LRRTM4: variants seen among roughly 807,000 people sequenced by gnomAD.
The protein encoded by LRRTM4 is leucine-rich repeat transmembrane neuronal protein 4.
A neutral mutation model predicts 47.6 loss-of-function variants in LRRTM4; 25 were observed. The ratio of observed to expected loss-of-function variants is 0.53; its 90% CI spans 0.38 to 0.73. LRRTM4 has a LOEUF of 0.73. Ranked by LOEUF, LRRTM4 falls within the 30% of genes least tolerant of loss-of-function variation. The pLI, the probability that LRRTM4 is intolerant of heterozygous loss-of-function variation, is 0.00. For synonymous variants in LRRTM4, 311 were observed against 269.5 expected, an observed-to-expected ratio of 1.15 and a Z score of -1.51; for missense variants, 638 against 713.4, an observed-to-expected ratio of 0.89 and a Z score of 1.20.
chr2:77,157,793 G>T (rs1462217631), intron 3 of LRRTM4, among the ~76,000 whole-genome samples: 2 of 152,074 alleles, frequency 1.3e-5, no homozygotes, highest in African/African-American at 4.8e-5. Flanking sequence ...GTGTGATCAG[G>T]ACTCTAGATG....
intron 3 of LRRTM4, among the ~76,000 whole-genome samples, chr2:77,113,295 G>A (rs1403683198): frequency 6.6e-6 from 1 of 152,068 alleles, no homozygotes; most frequent in African/African-American, 2.4e-5. Flanking sequence ...CCAGTCTAAA[G>A]GAAGCAAAAT....
intron 3 of LRRTM4, among the ~76,000 whole-genome samples, chr2:76,974,189 TATATATACATATATATATATAC>T (rs1676326269): frequency 7.1e-4 from 84 of 118,050 alleles, no homozygotes; most frequent in African/African-American, 3.1e-3. Context: ...TATACATACA[TATATATACATATATATATATAC>T]ACATATATAT....
chr2:77,244,471 T>C (rs57333363), intron 3 of LRRTM4, among the ~76,000 whole-genome samples: 20,168 of 152,106 alleles, frequency 0.13, 1,730 homozygotes, highest in East Asian at 0.34. Flanking sequence ...TATACCTAGA[T>C]TAAAAAATAA....
chr2:77,435,648 G>T (rs1675562177), intron 3 of LRRTM4, among the ~76,000 whole-genome samples: 2 of 152,028 alleles, frequency 1.3e-5, no homozygotes, highest in African/African-American at 2.4e-5. Flanking sequence ...TGAAAGTTTG[G>T]AAATAAAGAG....
chr2:77,164,197 A>T (rs1672813672), intron 3 of LRRTM4, among the ~76,000 whole-genome samples: 1 of 152,186 alleles, frequency 6.6e-6, no homozygotes, highest in Non-Finnish European at 1.5e-5. Flanking sequence ...ACCAACAAAG[A>T]TCAAAAGAGA....
At chr2:76,926,947 C>G (rs1463114348) in intron 3 of LRRTM4, among the ~76,000 whole-genome samples, 1 of 152,018 alleles carries the variant, frequency 6.6e-6, no homozygotes, top group Non-Finnish European at 1.5e-5. Context: ...TCACCAGGAC[C>G]AAAGCAAAGA....
At chr2:76,935,049 C>CA (rs1207304507) in intron 3 of LRRTM4, among the ~76,000 whole-genome samples, 1 of 151,304 alleles carries the variant, frequency 6.6e-6, no homozygotes, top group Non-Finnish European at 1.5e-5. Flanking sequence ...ATCATTTCAC[C>CA]AAAAAGAGAA....
chr2:77,311,928 T>C (rs1392739597), intron 3 of LRRTM4, among the ~76,000 whole-genome samples: 1 of 152,178 alleles, frequency 6.6e-6, no homozygotes, highest in Non-Finnish European at 1.5e-5. Flanking sequence ...GCAAAGCATG[T>C]GGGGCTTAAT....
chr2:77,219,395 G>A (rs747167135), intron 3 of LRRTM4, among the ~76,000 whole-genome samples: 2 of 152,088 alleles, frequency 1.3e-5, no homozygotes, highest in Non-Finnish European at 2.9e-5. Context: ...AACACCAGAA[G>A]GCCTCAAATC....
intron 3 of LRRTM4, among the ~76,000 whole-genome samples, chr2:77,365,219 T>C (rs995861795): frequency 6.6e-6 from 1 of 152,060 alleles, no homozygotes; most frequent in African/African-American, 2.4e-5. Context: ...GTTTACTGAA[T>C]ACTAACGTTC....
intron 3 of LRRTM4, among the ~76,000 whole-genome samples, chr2:77,085,654 A>C (rs572682300): frequency 6.6e-6 from 1 of 152,122 alleles, no homozygotes; most frequent in Non-Finnish European, 1.5e-5. Context: ...AATTGCTTTA[A>C]TTTTTAGCAA....
intron 3 of LRRTM4, among the ~76,000 whole-genome samples, chr2:76,839,036 G>C (rs1671597055): frequency 6.6e-6 from 1 of 152,104 alleles, no homozygotes; most frequent in African/African-American, 2.4e-5. Flanking sequence ...ATAGGAGCCA[G>C]ATTACCTCAA....
At chr2:76,907,496 G>A (rs1673887010) in intron 3 of LRRTM4, among the ~76,000 whole-genome samples, 1 of 146,730 alleles carries the variant, frequency 6.8e-6, no homozygotes, top group Admixed American at 7.0e-5. Flanking sequence ...TAAAATCAGA[G>A]CAGAACTGAA....
At chr2:77,017,008 T>A (rs1678094981) in intron 3 of LRRTM4, among the ~76,000 whole-genome samples, 1 of 152,178 alleles carries the variant, frequency 6.6e-6, no homozygotes, top group Non-Finnish European at 1.5e-5. Flanking sequence ...TGCTTCCCTT[T>A]CAATTATACT....
intron 3 of LRRTM4, among the ~76,000 whole-genome samples, chr2:77,447,623 AT>A (rs1412219297): frequency 1.3e-5 from 2 of 152,198 alleles, no homozygotes; most frequent in South Asian, 2.1e-4. Flanking sequence ...TTCTTGTAGT[AT>A]TTCTATATTT....
At chr2:77,140,563 G>A (rs2103759432) in intron 3 of LRRTM4, among the ~76,000 whole-genome samples, 1 of 152,200 alleles carries the variant, frequency 6.6e-6, no homozygotes, top group Middle Eastern at 3.4e-3. Flanking sequence ...ACATAGGCAT[G>A]GGCAAGGACT....
intron 3 of LRRTM4, among the ~76,000 whole-genome samples, chr2:76,835,341 G>T (rs1045693305): frequency 6.6e-6 from 1 of 151,954 alleles, no homozygotes; most frequent in Non-Finnish European, 1.5e-5. Flanking sequence ...TTTATAAGGT[G>T]AGAAACATCA....
Position 77,007,985 on chromosome 2 carries a change from GATTT to G in LRRTM4, c.1552-259073_1552-259070del, listed in dbSNP as rs1409596761. Among the ~76,000 whole-genome samples, 4 of 152,114 alleles carry G rather than the reference GATTT, an allele frequency of 2.6e-5. No homozygotes were observed. The East Asian group carries it at 5.8e-4, about 22-fold the overall frequency. On this transcript the variant is annotated intron_variant, in intron 3 of 3. Coordinates refer to ENST00000409884, the MANE Select transcript of LRRTM4 (RefSeq NM_001134745.3). Reference sequence around the variant, plus strand: ...AAATGCACACTTTTACTGTGTTCCAGATTTATTATCTAAGGTATTAATCTCCACT... The same window carrying G: ...AAATGCACACTTTTACTGTGTTCCAGATTATCTAAGGTATTAATCTCCACT...
At position 77,519,908 on chromosome 2, in the gene LRRTM4, A is replaced by C; in HGVS notation, c.5-44T>G. The C allele has an allele frequency of 6.7e-7, 1 of 1,498,254 alleles. No homozygotes were observed. Among genetic ancestry groups the C allele is most frequent in the Non-Finnish European group, 8.9e-7 (1 of 1,122,758 alleles). The allele number at this position is 1,498,254 out of a possible 1,614,324, so 92.8% of individuals were successfully genotyped here. ...GACAGATGCACATTGTGAAGCTATT[A>C]AAATAAATCACCGTCGGTTTACCAA... is the stretch of plus-strand genomic sequence containing the variant. On this transcript the variant is annotated intron_variant, in intron 2 of 3. Coordinates refer to ENST00000409884, the MANE Select transcript of LRRTM4 (RefSeq NM_001134745.3). This position sits in a 1 kb window ranked among gnomAD's most constrained non-coding sequence, Gnocchi z 4.6.
Sources: allele counts gnomAD v4.1 joint callset (sites outside exome capture counted in the v4.1 genomes callset), GRCh38; gene constraint gnomAD v4.1.1; non-coding constraint Gnocchi (gnomAD v3.1); transcripts MANE v1.5; gene names NCBI Gene and HGNC (gene_info 2026-07-23, HGNC 2026-07-21).